DIS3: variants seen among roughly 807,000 people sequenced by gnomAD.
DIS3 encodes exosome complex exonuclease RRP44.
In DIS3, 103 loss-of-function variants were observed where a neutral mutation model predicts 113.0. That is an observed-to-expected ratio of 0.91 (90% CI 0.78 to 1.07). The LOEUF is 1.07. Ranked by LOEUF, DIS3 falls within the 50% of genes least tolerant of loss-of-function variation. DIS3 has a pLI of 0.00. For synonymous variants in DIS3, 402 were observed against 394.3 expected, an observed-to-expected ratio of 1.02 and a Z score of -0.23; for missense variants, 1,121 against 1,167.1, an observed-to-expected ratio of 0.96 and a Z score of 0.58.
intron 11 of DIS3, 68 bp from the exon 12 acceptor site, chr13:72,771,213 C>T: frequency 8.0e-7 from 1 of 1,245,688 alleles, no homozygotes. Flanking sequence ...AGGTTCTATT[C>T]TCAAATAACA....
At position 72,755,488 on chromosome 13, in the gene DIS3, T is replaced by C. The variant is rs2033435360; in HGVS notation, c.*4307A>G. 1 of 436,054 alleles carries C rather than the reference T, an allele frequency of 2.3e-6. No homozygotes were observed. Among genetic ancestry groups the C allele is most frequent in the South Asian group, 3.9e-5 (1 of 25,406 alleles). 27.0% of individuals were successfully genotyped at this position (436,054 alleles called of 1,614,324 possible). A position where few individuals can be genotyped will look rare whatever the true frequency, so the allele number is the denominator to read the frequency against. On this transcript the variant is annotated 3_prime_UTR_variant, in exon 21 of 21. Coordinates refer to ENST00000377767, the MANE Select transcript of DIS3 (RefSeq NM_014953.5). ...GTTTAACAACAAATTGTGACAGAGC[T>C]GAGTGCTCCTATCTTACAGGGTCAA...
At chr13:72,777,306 C>T (rs942142277) in intron 4 of DIS3, 114 bp downstream of exon 4, 1 of 973,276 alleles carries the variant, frequency 1.0e-6, no homozygotes, top group Non-Finnish European at 1.6e-6. Context: ...ACAACTATTC[C>T]AAATCCAGCT....
At chr13:72,775,168 A>G in intron 6 of DIS3, 43 bp downstream of exon 6, 2 of 1,526,920 alleles carry the variant, frequency 1.3e-6, no homozygotes, top group Non-Finnish European at 1.8e-6. Flanking sequence ...TATTAATAAT[A>G]CAAAGCTACA....
chr13:72,761,235 T>C lies in DIS3; in HGVS notation c.2670+128A>G, dbSNP rs992241836. ...AAAATTAAATGTAGATTTTCTGGCA[T>C]GTATTTGGAGATCAGGATAAATTCT... On this transcript the variant is annotated intron_variant, in intron 19 of 20. Coordinates refer to ENST00000377767, the MANE Select transcript of DIS3 (RefSeq NM_014953.5). 8 of 1,204,082 alleles carry C rather than the reference T, an allele frequency of 6.6e-6. No individual in the cohort carries two copies. In the African/African-American group the frequency reaches 8.0e-5, roughly 12 times the overall value. The allele number at this position is 1,204,082 out of a possible 1,614,324, so 74.6% of individuals were successfully genotyped here. A position where few individuals can be genotyped will look rare whatever the true frequency, so the allele number is the denominator to read the frequency against.
chr13:72,778,166 T>A, intron 3 of DIS3, 21 bp downstream of exon 3: 1 of 1,549,470 alleles, frequency 6.5e-7, no homozygotes, highest in Non-Finnish European at 8.8e-7. Flanking sequence ...ATGCACTAAG[T>A]ACTTCTACAT....
At position 72,759,763 on chromosome 13, in the gene DIS3, A is replaced by T; in HGVS notation, c.*32T>A. The T allele has an allele frequency of 6.4e-7, 1 of 1,574,012 alleles. No homozygotes were observed. The highest frequency in any genetic ancestry group is 8.7e-7 in the Non-Finnish European group (1 of 1,151,504). On this transcript the variant is annotated 3_prime_UTR_variant, in exon 21 of 21. Transcript: ENST00000377767. ...TTCAAGTTTTTTCTTTTAAAAAAGAAACCAGTCTTTGAAGATTTTTGTTGA... is the reference window on the plus strand; with the variant it reads ...TTCAAGTTTTTTCTTTTAAAAAAGATACCAGTCTTTGAAGATTTTTGTTGA...
chr13:72,772,230 C>T lies in DIS3; in HGVS notation c.1432G>A (p.Val478Ile). 2.5e-6 allele frequency: 4 copies of T among 1,613,368 alleles called. No individual in the cohort carries two copies. The highest frequency in any genetic ancestry group is 2.5e-6 in the Non-Finnish European group (3 of 1,179,882). The change falls in exon 10 of 21, where the codon GTA becomes ATA. Residue 478 changes from valine to isoleucine, a missense_variant. Coordinates refer to ENST00000377767, the MANE Select transcript of DIS3 (RefSeq NM_014953.5). ...ATATCAGTACATCCTGGTGGGTCTACACTACAAATACACAGATGCCTCAGG... is the reference window on the plus strand; with the variant it reads ...ATATCAGTACATCCTGGTGGGTCTATACTACAAATACACAGATGCCTCAGG... Reference protein sequence around the residue: ...EDLRHLCICSVDPPGCTDIDD... With the variant: ...EDLRHLCICSIDPPGCTDIDD...
chr13:72,780,007 G>A (rs2034116369), intron 2 of DIS3, among the ~76,000 whole-genome samples: 2 of 151,896 alleles, frequency 1.3e-5, no homozygotes, highest in South Asian at 4.2e-4. Flanking sequence ...TGAGTTCAAA[G>A]GTCTTGAATC....
At chr13:72,760,861 T>A (rs1395302501) in intron 19 of DIS3, among the ~76,000 whole-genome samples, 2 of 151,980 alleles carry the variant, frequency 1.3e-5, no homozygotes, top group Non-Finnish European at 2.9e-5. Context: ...AAGGTATTTC[T>A]AATATATATG....
intron 13 of DIS3, 70 bp downstream of exon 13, chr13:72,770,834 A>ATT (rs761343142): frequency 1.7e-4 from 193 of 1,110,086 alleles, no homozygotes; most frequent in Non-Finnish European, 2.3e-4. Flanking sequence ...TCTTTAAAAA[A>ATT]TTTATTTAGC....
chr13:72,765,520 C>T (rs977337283), intron 15 of DIS3, among the ~76,000 whole-genome samples: 1 of 152,162 alleles, frequency 6.6e-6, no homozygotes, highest in African/African-American at 2.4e-5. Context: ...AAGTGCACAA[C>T]TTAGATCCCT....
rs762304246 is a variant in DIS3 at position 72,753,637 on chromosome 13, T to C, written c.*6158A>G. Reference sequence around the variant, plus strand: ...GTTTATAGTGGTTTACTTATTTAAATATTTGACTTTTAAGTTCCTCACAAT... The same window carrying C: ...GTTTATAGTGGTTTACTTATTTAAACATTTGACTTTTAAGTTCCTCACAAT... On this transcript the variant is annotated 3_prime_UTR_variant, in exon 21 of 21. Coordinates refer to ENST00000377767, the MANE Select transcript of DIS3 (RefSeq NM_014953.5). 100 of 1,542,660 alleles carry C rather than the reference T, an allele frequency of 6.5e-5. No individual in the cohort carries two copies. The highest frequency in any genetic ancestry group is 8.5e-5 in the Non-Finnish European group (96 of 1,127,406).
At chr13:72,781,115 A>G (rs1232678042) in intron 1 of DIS3, 112 bp from the exon 2 acceptor site, 3 of 1,358,290 alleles carry the variant, frequency 2.2e-6, no homozygotes, top group African/African-American at 1.5e-5. Flanking sequence ...AAAACACTGA[A>G]TAAGTTAAGC....
chr13:72,775,167 TA>T (rs754620389), intron 6 of DIS3, 43 bp downstream of exon 6: 2 of 1,525,660 alleles, frequency 1.3e-6, no homozygotes, highest in Admixed American at 4.3e-5. Flanking sequence ...ATATTAATAA[TA>T]CAAAGCTACA....
In DIS3 at chr13:72,752,485, T is replaced by C. The variant is rs1381203097; in HGVS notation, c.*7310A>G. ...CATGCCTTACTTCCTGCTGTACTAA[T>C]GAGTAACTCTTCCCTCCATATATAT... On this transcript the variant is annotated 3_prime_UTR_variant, in exon 21 of 21. Transcript: ENST00000377767. The C allele has an allele frequency of 1.3e-5, 2 of 152,200 alleles. No homozygotes were observed. Among genetic ancestry groups the C allele is most frequent in the Non-Finnish European group, 2.9e-5 (2 of 68,032 alleles). The allele number at this position is 152,200 out of a possible 1,614,324, so 9.4% of individuals were successfully genotyped here. A position where few individuals can be genotyped will look rare whatever the true frequency, so the allele number is the denominator to read the frequency against.
Position 72,770,654 on chromosome 13 carries a change from A to G in DIS3, c.1755+250T>C, listed in dbSNP as rs369168225. On this transcript the variant is annotated intron_variant, in intron 13 of 20. Transcript: ENST00000377767. ...ATTTAAGTGCATCTGTACATGTTTAAGCACGTGCCCGCAGCTGGGGACTTT... is the reference window on the plus strand; with the variant it reads ...ATTTAAGTGCATCTGTACATGTTTAGGCACGTGCCCGCAGCTGGGGACTTT... Among the ~76,000 whole-genome samples the G allele has an allele frequency of 3.3e-4, 50 of 152,312 alleles. No individual in the cohort carries two copies. In the South Asian group the frequency reaches 5.8e-3, roughly 18 times the overall value.
Position 72,781,676 on chromosome 13 carries a change from G to C in DIS3, c.157C>G (p.Gln53Glu), listed in dbSNP as rs760604024. 1 of 1,551,990 alleles carries C rather than the reference G, an allele frequency of 6.4e-7. No individual in the cohort carries two copies. Among genetic ancestry groups the C allele is most frequent in the Non-Finnish European group, 8.7e-7 (1 of 1,148,432 alleles). ...GGGCAGACGCTGCTCGCCGGGTCCTGGGGCTGCGGCTCCAGGGCCGGCCCC... is the reference window on the plus strand; with the variant it reads ...GGGCAGACGCTGCTCGCCGGGTCCTCGGGCTGCGGCTCCAGGGCCGGCCCC... Reference protein sequence around the residue: ...HEGPALEPQPQDPASSVCPQP... With the variant: ...HEGPALEPQPEDPASSVCPQP... The change falls in exon 1 of 21, where the codon CAG (glutamine) becomes GAG (glutamate). Residue 53 changes from glutamine to glutamate, a missense_variant. Around this residue, in one of 3 missense-constraint regions of DIS3, gnomAD observed 254 missense variants for 232.2 expected, o/e 1.09. Coordinates refer to ENST00000377767, the MANE Select transcript of DIS3 (RefSeq NM_014953.5).
At chr13:72,771,672 A>C (rs2033888825) in intron 11 of DIS3, 123 bp downstream of exon 11, 2 of 869,170 alleles carry the variant, frequency 2.3e-6, no homozygotes. Context: ...GATAACAAAA[A>C]TTTGCAATAT....
chr13:72,776,120 C>G, intron 4 of DIS3, 28 bp from the exon 5 acceptor site: 1 of 1,568,076 alleles, frequency 6.4e-7, no homozygotes, highest in Middle Eastern at 1.7e-4. Context: ...CAAAAGATGC[C>G]GCTAATAAGT....
Sources: gnomAD v4.1 joint callset for allele counts (sites outside exome capture counted in the v4.1 genomes callset) on GRCh38, gnomAD v4.1.1 for gene constraint, gnomAD v4.1.1 regional missense constraint, MANE v1.5 for transcripts, NCBI Gene and HGNC (gene_info 2026-07-23, HGNC 2026-07-21) for gene names.